The following JUP variants were observed in gnomAD, a reference collection of about 807,000 sequenced individuals.
JUP encodes junction plakoglobin.
A neutral mutation model predicts 71.1 loss-of-function variants in JUP; 28 were observed. The ratio of observed to expected loss-of-function variants is 0.39; its 90% CI spans 0.29 to 0.54. JUP has a LOEUF of 0.54. Ranked by LOEUF, JUP falls within the 20% of genes least tolerant of loss-of-function variation. The pLI is 0.62. For synonymous variants in JUP, 401 were observed against 438.9 expected, an observed-to-expected ratio of 0.91 and a Z score of 1.08; for missense variants, 869 against 1,030.1, an observed-to-expected ratio of 0.84 and a Z score of 2.14.
At position 41,757,668 on chromosome 17, in the gene JUP, G is replaced by A. The variant is rs1555598894; in HGVS notation, c.1890C>T (p.Leu630=). 2.5e-6 allele frequency: 4 copies of A among 1,613,470 alleles called. No homozygotes were observed. The highest frequency in any genetic ancestry group is 3.4e-6 in the Non-Finnish European group (4 of 1,179,760). ...AIDAEGASAP[L]MELLHSRNEG... is the part of the protein sequence containing the mutation. ...CGTTGCGGGAGTGCAGCAACTCCAT[G>A]AGTGGGGCCGAGGCCCCCTCTGCAT... The change falls in exon 11 of 14, where the codon CTC becomes CTT. Residue 630 remains leucine (L), a synonymous_variant. Transcript: ENST00000393931.
chr17:41,769,887 A>G lies in JUP; in HGVS notation c.209-210T>C, dbSNP rs549695573. On this transcript the variant is annotated intron_variant, in intron 2 of 13. Transcript: ENST00000393931. ...GTAATCTCTGTAAAATAGGCCCCAC[A>G]TGTTCTGTCCATCAAGGGAATTTTT... Among the ~76,000 whole-genome samples the G allele has an allele frequency of 2.0e-3, 288 of 146,290 alleles. 2 individuals carry two copies. Among genetic ancestry groups the G allele is most frequent in the Non-Finnish European group, 3.8e-3 (253 of 67,162 alleles).
chr17:41,778,980 T>C (rs1228368415), intron 1 of JUP, among the ~76,000 whole-genome samples: 3 of 152,006 alleles, frequency 2.0e-5, no homozygotes, highest in African/African-American at 7.2e-5. Context: ...CTCATGCCTG[T>C]AATCCCAGGA....
At chr17:41,767,635 G>A in intron 4 of JUP, 55 bp from the exon 5 acceptor site, 2 of 1,462,482 alleles carry the variant, frequency 1.4e-6, no homozygotes, top group South Asian at 2.3e-5. Flanking sequence ...TGGCATACAT[G>A]TGAGCCTGGC....
In JUP at chr17:41,764,705, T is replaced by A; in HGVS notation, c.1158+8A>T. 6.2e-7 allele frequency: 1 copy of A among 1,610,938 alleles called. No homozygotes were observed. Among genetic ancestry groups the A allele is most frequent in the South Asian group, 1.1e-5 (1 of 90,946 alleles). On this transcript the variant is annotated splice_region_variant and intron_variant, in intron 7 of 13. Transcript: ENST00000393931. The stretch of plus-strand genomic sequence containing the variant: ...GAGGTCAACCCCAGGCCCAGATACC[T>A]CCCTCACCTGCTTGGTGGCCACATC...
At chr17:41,766,409 C>A (rs1172064179) in intron 5 of JUP, among the ~76,000 whole-genome samples, 3 of 151,470 alleles carry the variant, frequency 2.0e-5, no homozygotes, top group Non-Finnish European at 4.4e-5. Context: ...GACAATATAG[C>A]AAAAAAAAAT....
chr17:41,756,205 T>C lies in JUP; in HGVS notation c.2056A>G (p.Met686Val), dbSNP rs1271629670. Reference protein sequence around the residue: ...DPAAWEAAQSMIPINEPYGDD... With the variant: ...DPAAWEAAQSVIPINEPYGDD... ...CCATAGGGCTCATTGATGGGAATCA[T>C]GCTCTGGGCCTGAAAAAGGAGAGAG... Residue 686 changes from methionine (M) to valine (V), a missense_variant, in exon 13 of 14, where the codon ATG (methionine) becomes GTG (valine). Transcript: ENST00000393931. The C allele has an allele frequency of 2.5e-6, 4 of 1,613,976 alleles. No homozygotes were observed. Among genetic ancestry groups the C allele is most frequent in the South Asian group, 1.1e-5 (1 of 91,030 alleles).
In JUP at chr17:41,765,074, G is replaced by T; in HGVS notation, c.910-7C>A. ...CATTGGCCAGGATGATCAGCTATGGGTAAAGAGGGAATGAGTGTGAGATGG... is the reference window on the plus strand; with the variant it reads ...CATTGGCCAGGATGATCAGCTATGGTTAAAGAGGGAATGAGTGTGAGATGG... On this transcript the variant is annotated splice_region_variant and splice_polypyrimidine_tract_variant and intron_variant, in intron 5 of 13. Coordinates refer to ENST00000393931, the MANE Select transcript of JUP (RefSeq NM_002230.4). 6.2e-7 allele frequency: 1 copy of T among 1,613,842 alleles called. No individual in the cohort carries two copies. Among genetic ancestry groups the T allele is most frequent in the Non-Finnish European group, 8.5e-7 (1 of 1,179,720 alleles).
intron 1 of JUP, among the ~76,000 whole-genome samples, chr17:41,781,874 T>G (rs1555610352): frequency 6.6e-6 from 1 of 152,170 alleles, no homozygotes. Flanking sequence ...CTTCAGTAAG[T>G]GCATCGGGCC....
Position 41,760,431 on chromosome 17 carries a change from T to C in JUP, c.1498-1561A>G, listed in dbSNP as rs556299812. ...CCACCACGCCTGGCTAATTTCTTTG[T>C]ATTTTTTTAGTAGAGATGGGGTTTC... On this transcript the variant is annotated intron_variant, in intron 8 of 13. Transcript: ENST00000393931. Among the ~76,000 whole-genome samples, 91 of 151,938 alleles carry C rather than the reference T, an allele frequency of 6.0e-4. 1 individual carries two copies. The highest frequency in any genetic ancestry group is 1.0e-3 in the Non-Finnish European group (69 of 67,958).
intron 8 of JUP, among the ~76,000 whole-genome samples, chr17:41,761,136 C>T (rs1425796529): frequency 6.6e-6 from 1 of 152,200 alleles, no homozygotes; most frequent in African/African-American, 2.4e-5. Flanking sequence ...CTCTCTTCCA[C>T]CCAGGTAGCC....
At chr17:41,778,639 C>T (rs9897133) in intron 1 of JUP, among the ~76,000 whole-genome samples, 1,780 of 151,968 alleles carry the variant, frequency 0.012, 27 homozygotes, top group African/African-American at 0.041. Context: ...TTGCCGAGCA[C>T]GGTGGCTCAT....
In JUP at chr17:41,769,673, A is replaced by G. The variant is rs7405731; in HGVS notation, c.213T>C (p.Asp71=). ...CTGTTGTGGACATCTGGTACTCCAGATCACCTGGGGGCCATGGGGACAGGG... is the reference window on the plus strand; with the variant it reads ...CTGTTGTGGACATCTGGTACTCCAGGTCACCTGGGGGCCATGGGGACAGGG... ...YTQGVPPSQG[D]LEYQMSTTAR... The change falls in exon 3 of 14, where the codon GAT becomes GAC. Residue 71 remains aspartate (D), a synonymous_variant. Transcript: ENST00000393931. 1,208,750 of 1,606,858 alleles carry G rather than the reference A, an allele frequency of 0.75. 458,367 individuals carry two copies. The highest frequency in any genetic ancestry group is 0.89 in the African/African-American group (66,420 of 75,000).
At chr17:41,766,051 G>A (rs1378995782) in intron 5 of JUP, among the ~76,000 whole-genome samples, 1 of 152,034 alleles carries the variant, frequency 6.6e-6, no homozygotes, top group African/African-American at 2.4e-5. Flanking sequence ...GGGTAGCCTG[G>A]GCAACAGAGC....
chr17:41,773,106 G>T, intron 1 of JUP: 1 of 552,292 alleles, frequency 1.8e-6, no homozygotes, highest in Non-Finnish European at 2.3e-6. Flanking sequence ...AGGGCACCAA[G>T]GTCTGTAGTC....
rs1409289562 is a variant in JUP at position 41,755,154 on chromosome 17, T to A, written c.*590A>T. ...CCCAGGCAGCTGGAGACAGGGAGGC[T>A]GGAGGTTTGGAGGGGCGTTGCTGGG... On this transcript the variant is annotated 3_prime_UTR_variant, in exon 14 of 14. Transcript: ENST00000393931. 1 of 397,550 alleles carries A rather than the reference T, an allele frequency of 2.5e-6. No individual in the cohort carries two copies. The highest frequency in any genetic ancestry group is 2.1e-5 in the African/African-American group (1 of 48,508). 24.6% of individuals were successfully genotyped at this position (397,550 alleles called of 1,614,324 possible).
intron 1 of JUP, among the ~76,000 whole-genome samples, chr17:41,777,767 C>G (rs76230895): frequency 0.03 from 4,501 of 152,332 alleles, 99 homozygotes; most frequent in Non-Finnish European, 0.048. Flanking sequence ...CTTCTGGGCT[C>G]CTTCCCAAAG....
At chr17:41,775,022 A>G (rs28374472) in intron 1 of JUP, among the ~76,000 whole-genome samples, 5,462 of 151,832 alleles carry the variant, frequency 0.036, 143 homozygotes, top group African/African-American at 0.073. Flanking sequence ...AGAATTGCTT[A>G]AACCAGGGAG....
At chr17:41,766,317 GGA>G (rs1915703252) in intron 5 of JUP, among the ~76,000 whole-genome samples, 1 of 150,396 alleles carries the variant, frequency 6.6e-6, no homozygotes, top group African/African-American at 2.5e-5. Flanking sequence ...GAAAGGAAAA[GGA>G]AAAGGAAAAG....
Position 41,755,817 on chromosome 17 carries a change from C to A in JUP, c.2165G>T (p.Gly722Val), listed in dbSNP as rs1913609810. Residue 722 changes from glycine to valine, a missense_variant, in exon 14 of 14, where the codon GGA (glycine) becomes GTA (valine). Physicochemically the swap from Gly to Val is moderately radical, Grantham distance 109. Transcript: ENST00000393931. ...DPLEMHMDMD[G>V]DYPIDTYSDG... ...GCTGTAGGTGTCGATGGGGTAGTCTCCATCCATGTCCATGTGCATCTCCAG... is the reference window on the plus strand; with the variant it reads ...GCTGTAGGTGTCGATGGGGTAGTCTACATCCATGTCCATGTGCATCTCCAG... The A allele has an allele frequency of 1.2e-6, 2 of 1,613,308 alleles. No individual in the cohort carries two copies. Among genetic ancestry groups the A allele is most frequent in the Non-Finnish European group, 8.5e-7 (1 of 1,179,676 alleles).
Sources: allele counts gnomAD v4.1 joint callset (sites outside exome capture counted in the v4.1 genomes callset), GRCh38; gene constraint gnomAD v4.1.1; transcripts MANE v1.5; gene names NCBI Gene and HGNC (gene_info 2026-07-23, HGNC 2026-07-21).